Variants in CHSY3 observed in about 807,000 individuals in gnomAD.
CHSY3 encodes the protein N-acetylgalactosaminyl-proteoglycan 3-beta-glucuronosyltransferase 3.
Under a neutral mutation model 67.2 loss-of-function variants are expected in CHSY3, and 35 were observed. The observed-to-expected ratio is 0.52, with a 90% CI of 0.40 to 0.69. The LOEUF (loss-of-function observed/expected upper bound fraction) is 0.69. CHSY3 is among the 30% of genes least tolerant of loss of function. CHSY3 has a pLI of 0.00. For missense variants in CHSY3, 1,069 were observed against 1,138.5 expected, an observed-to-expected ratio of 0.94 and a Z score of 0.88; for synonymous variants, 474 against 434.7, an observed-to-expected ratio of 1.09 and a Z score of -1.12.
At chr5:130,024,784 C>T (rs1321027517) in intron 2 of CHSY3, among the ~76,000 whole-genome samples, 1 of 152,052 alleles carries the variant, frequency 6.6e-6, no homozygotes, top group African/African-American at 2.4e-5. Context: ...TCAGACTGCT[C>T]CCTAATGTCA....
rs183381759 is a variant in CHSY3, at chr5:130,053,048, A to T, written c.1087-131181A>T. Among the ~76,000 whole-genome samples, 11 of 152,302 alleles carry T rather than the reference A, an allele frequency of 7.2e-5. No individual in the cohort carries two copies. In the East Asian group the frequency reaches 1.7e-3, roughly 24 times the overall value. The stretch of plus-strand genomic sequence containing the variant: ...AGTCAGTTGTATAATTACAGATATT[A>T]TAAGTTCAGAGGAAGGCAGTATCCT... On this transcript the variant is annotated intron_variant, in intron 2 of 2. Coordinates refer to ENST00000305031, the MANE Select transcript of CHSY3 (RefSeq NM_175856.5).
At chr5:130,072,053 T>A (rs1766090877) in intron 2 of CHSY3, among the ~76,000 whole-genome samples, 1 of 152,120 alleles carries the variant, frequency 6.6e-6, no homozygotes. Flanking sequence ...TTATTTGTTT[T>A]CATAGTATTG....
chr5:129,975,090 G>C (rs866250673), intron 2 of CHSY3: 1 of 152,040 alleles, frequency 6.6e-6, no homozygotes, highest in South Asian at 2.1e-4. Context: ...GTGGGGGTAG[G>C]GGGGAAGGAT....
At chr5:130,049,140 A>G (rs1765248703) in intron 2 of CHSY3, among the ~76,000 whole-genome samples, 1 of 152,102 alleles carries the variant, frequency 6.6e-6, no homozygotes, top group Admixed American at 6.6e-5. Context: ...GCTCTAAGTC[A>G]TGAGTTATAT....
At chr5:130,132,173 C>A (rs975985957) in intron 2 of CHSY3, among the ~76,000 whole-genome samples, 1 of 152,142 alleles carries the variant, frequency 6.6e-6, no homozygotes, top group African/African-American at 2.4e-5. Context: ...GACATATTTA[C>A]TCTTGTAAAC....
intron 2 of CHSY3, among the ~76,000 whole-genome samples, chr5:130,045,086 G>T (rs1466423178): frequency 6.6e-6 from 1 of 152,066 alleles, no homozygotes; most frequent in African/African-American, 2.4e-5. Flanking sequence ...GGCCTCCTGT[G>T]CTCAAGAAAT....
At position 130,185,946 on chromosome 5, in the gene CHSY3, G is replaced by A. The variant is rs1770406793; in HGVS notation, c.*155G>A. ...AACTACTCTTGGTTGTCTTCCTAAG[G>A]GTGTTTGTTGACCTCAAGCAAGAAG... is the stretch of plus-strand genomic sequence containing the variant. On this transcript the variant is annotated 3_prime_UTR_variant, in exon 3 of 3. Coordinates refer to ENST00000305031, the MANE Select transcript of CHSY3 (RefSeq NM_175856.5). The A allele has an allele frequency of 2.5e-6, 1 of 403,164 alleles. No individual in the cohort carries two copies. The highest frequency in any genetic ancestry group is 4.0e-5 in the East Asian group (1 of 24,938). 25.0% of individuals were successfully genotyped at this position (403,164 alleles called of 1,614,324 possible).
intron 2 of CHSY3, chr5:130,052,055 C>T (rs1765376113): frequency 6.6e-6 from 1 of 152,162 alleles, no homozygotes. Flanking sequence ...CTGGGTGTAT[C>T]TGCATCATTC....
intron 2 of CHSY3, among the ~76,000 whole-genome samples, chr5:129,990,496 A>G (rs1763330943): frequency 1.3e-5 from 2 of 152,088 alleles, no homozygotes; most frequent in African/African-American, 4.8e-5. Context: ...TCATACAGAA[A>G]TTGAATATAA....
chr5:129,986,845 C>A (rs1230806930), intron 2 of CHSY3, among the ~76,000 whole-genome samples: 1 of 152,010 alleles, frequency 6.6e-6, no homozygotes, highest in Admixed American at 6.6e-5. Flanking sequence ...GTTTTGCCAT[C>A]TTTCCCAAGC....
chr5:129,991,045 C>T (rs1763348615), intron 2 of CHSY3, among the ~76,000 whole-genome samples: 1 of 152,000 alleles, frequency 6.6e-6, no homozygotes, highest in African/African-American at 2.4e-5. Flanking sequence ...TGAGAGATCA[C>T]AAGGAGACAG....
chr5:130,172,384 G>T (rs1233907456), intron 2 of CHSY3, among the ~76,000 whole-genome samples: 1 of 147,150 alleles, frequency 6.8e-6, no homozygotes, highest in Non-Finnish European at 1.5e-5. Flanking sequence ...AGGCTGGAGT[G>T]CAATGGCACC....
At chr5:129,975,726 TTAAGCCATC>T (rs1394911779) in intron 2 of CHSY3, among the ~76,000 whole-genome samples, 2 of 152,188 alleles carry the variant, frequency 1.3e-5, no homozygotes, top group Non-Finnish European at 2.9e-5. Context: ...AAAATTACTT[TTAAGCCATC>T]TTTACCATGG....
chr5:129,974,724 C>A (rs1445449543), intron 2 of CHSY3, among the ~76,000 whole-genome samples: 1 of 152,002 alleles, frequency 6.6e-6, no homozygotes, highest in Admixed American at 6.6e-5. Context: ...GTGGGCAGCA[C>A]AGCACATTGA....
In CHSY3 at chr5:129,960,012, TAA is replaced by T. The variant is rs138265522; in HGVS notation, c.1086+51653_1086+51654del. 4.1e-3 allele frequency among the ~76,000 whole-genome samples: 625 copies of T among 152,186 alleles called. 4 individuals are homozygous for T. Among genetic ancestry groups the T allele is most frequent in the African/African-American group, 0.014 (593 of 41,532 alleles). On this transcript the variant is annotated intron_variant, in intron 2 of 2. Coordinates refer to ENST00000305031, the MANE Select transcript of CHSY3 (RefSeq NM_175856.5). ...CTAACCCAAAGGACTCTGAATGGAC[TAA>T]GTTAGTTTTATGACAAGAGATGATG...
At chr5:129,915,900 A>T (rs1038438324) in intron 2 of CHSY3, among the ~76,000 whole-genome samples, 2 of 152,202 alleles carry the variant, frequency 1.3e-5, no homozygotes, top group African/African-American at 4.8e-5. Flanking sequence ...CCCCTAGAGA[A>T]CAGAAGGAAG....
chr5:129,983,795 A>T (rs945419514), intron 2 of CHSY3, among the ~76,000 whole-genome samples: 3 of 152,104 alleles, frequency 2.0e-5, no homozygotes, highest in African/African-American at 7.2e-5. Context: ...AGCTTCCAGG[A>T]AATGAATTCA....
intron 2 of CHSY3, among the ~76,000 whole-genome samples, chr5:129,968,435 A>T (rs908150839): frequency 1.3e-5 from 2 of 151,878 alleles, no homozygotes; most frequent in Non-Finnish European, 2.9e-5. Flanking sequence ...TTCAGCAAAC[A>T]TATATTGAAT....
chr5:129,936,290 C>T (rs1198050782), intron 2 of CHSY3, among the ~76,000 whole-genome samples: 1 of 152,100 alleles, frequency 6.6e-6, no homozygotes, highest in East Asian at 1.9e-4. Context: ...AAAGGAACAC[C>T]TCTGGTTAAT....
Sources: gnomAD v4.1 joint callset for allele counts (sites outside exome capture counted in the v4.1 genomes callset) on GRCh38, gnomAD v4.1.1 for gene constraint, MANE v1.5 for transcripts, NCBI Gene and HGNC (gene_info 2026-07-23, HGNC 2026-07-21) for gene names.